Variants in KAT6B observed in about 807,000 individuals in gnomAD.
The protein encoded by KAT6B is lysine acetyltransferase 6B, also known as histone acetyltransferase KAT6B.
KAT6B carries 10 observed loss-of-function variants against 187.5 expected under a neutral mutation model. That is an observed-to-expected ratio of 0.05 (90% CI 0.03 to 0.09). KAT6B has a LOEUF of 0.09. Among genes scored for constraint, KAT6B ranks in the 10% least tolerant of loss-of-function variants. The pLI is 1.00. For synonymous variants in KAT6B, 861 were observed against 926.8 expected, an observed-to-expected ratio of 0.93 and a Z score of 1.29; for missense variants, 1,952 against 2,558.9, an observed-to-expected ratio of 0.76 and a Z score of 5.12.
rs1846102656 is a variant in KAT6B, at chr10:75,029,009, C to T, written c.4185C>T (p.Ile1395=). 1.2e-6 allele frequency: 2 copies of T among 1,613,848 alleles called. No homozygotes were observed. The highest frequency in any genetic ancestry group is 2.7e-5 in the African/African-American group (2 of 74,858). The part of the protein sequence containing the change: ...AKSQEKEEPE[I]STEKEDSARL... Reference sequence around the variant, plus strand: ...GCCAAGAAAAAGAGGAACCAGAAATCTCCACGGAAAAAGAAGACTCTGCAC... The same window carrying T: ...GCCAAGAAAAAGAGGAACCAGAAATTTCCACGGAAAAAGAAGACTCTGCAC... The change falls in exon 18 of 18, where the codon ATC becomes ATT. Residue 1395 remains isoleucine (I), a synonymous_variant. Transcript: ENST00000287239. The surrounding 1 kb of genome is among the most constrained non-coding windows in gnomAD (Gnocchi z 6.2).
At chr10:74,959,339 G>A (rs1589706146) in intron 3 of KAT6B, among the ~76,000 whole-genome samples, 2 of 152,024 alleles carry the variant, frequency 1.3e-5, no homozygotes, top group Admixed American at 6.6e-5. Context: ...AATGCTGAAC[G>A]AATAATTTAT....
intron 3 of KAT6B, among the ~76,000 whole-genome samples, chr10:74,873,240 C>T (rs1157952346): frequency 6.6e-6 from 1 of 150,986 alleles, no homozygotes; most frequent in Non-Finnish European, 1.5e-5. Flanking sequence ...GTGGAAGTAT[C>T]GCTTGAGGCC....
chr10:75,007,603 G>A (rs1844306602), intron 13 of KAT6B, among the ~76,000 whole-genome samples: 1 of 152,218 alleles, frequency 6.6e-6, no homozygotes, highest in Admixed American at 6.5e-5. Context: ...GGAGCGGATA[G>A]AAAGTTTTCT....
chr10:74,987,095 T>C (rs1842856378), intron 12 of KAT6B, among the ~76,000 whole-genome samples: 1 of 152,184 alleles, frequency 6.6e-6, no homozygotes, highest in African/African-American at 2.4e-5. Context: ...TAATATGCCT[T>C]GGCAGTATAG....
intron 13 of KAT6B, among the ~76,000 whole-genome samples, chr10:75,015,777 C>T (rs1414760806): frequency 3.9e-5 from 6 of 152,178 alleles, no homozygotes; most frequent in African/African-American, 1.2e-4. Context: ...GATTATCATC[C>T]CCTAAAAGCA....
At chr10:74,845,822 C>G (rs192246563) in intron 3 of KAT6B, among the ~76,000 whole-genome samples, 1 of 148,212 alleles carries the variant, frequency 6.7e-6, no homozygotes, top group Non-Finnish European at 1.5e-5. Context: ...TGCTTTAGAT[C>G]AGATCAGCCC....
intron 10 of KAT6B, 54 bp downstream of exon 10, chr10:74,979,393 G>C: frequency 8.0e-7 from 1 of 1,253,258 alleles, no homozygotes. Flanking sequence ...ATGTGAGAAA[G>C]GAAAATTCTT....
At chr10:74,889,253 T>A (rs1373719105) in intron 3 of KAT6B, among the ~76,000 whole-genome samples, 1 of 152,248 alleles carries the variant, frequency 6.6e-6, no homozygotes, top group East Asian at 1.9e-4. Flanking sequence ...TAAAAATACA[T>A]ATTTATATTT....
At chr10:74,866,719 G>A (rs1843578017) in intron 3 of KAT6B, among the ~76,000 whole-genome samples, 1 of 152,180 alleles carries the variant, frequency 6.6e-6, no homozygotes, top group South Asian at 2.1e-4. Context: ...AAGGCTCTGA[G>A]CCTGAGGCCT....
intron 1 of KAT6B, among the ~76,000 whole-genome samples, chr10:74,837,825 T>C (rs1281686315): frequency 6.7e-6 from 1 of 150,314 alleles, no homozygotes; most frequent in Non-Finnish European, 1.5e-5. Context: ...GACTTCTGAT[T>C]TTGTTCCTCT....
intron 3 of KAT6B, among the ~76,000 whole-genome samples, chr10:74,931,543 TATA>T (rs1848875976): frequency 6.6e-6 from 1 of 152,162 alleles, no homozygotes; most frequent in Admixed American, 6.5e-5. Context: ...CTGCCACTCA[TATA>T]ATAAGTGTTC....
At chr10:74,941,212 C>T (rs1849646392) in intron 3 of KAT6B, among the ~76,000 whole-genome samples, 1 of 152,138 alleles carries the variant, frequency 6.6e-6, no homozygotes, top group Non-Finnish European at 1.5e-5. Flanking sequence ...TGGCATATCA[C>T]CAGGCTGAAT....
chr10:74,975,963 A>G lies in KAT6B; in HGVS notation c.1626A>G (p.Ala542=), dbSNP rs748080816. The change falls in exon 8 of 18, where the codon GCA becomes GCG. Residue 542 remains alanine (A), a synonymous_variant. Transcript: ENST00000287239. ...TTACCACTAACAGCCAGCTGAAGGC[A>G]CTCTTTGATGGGCTTTCTCATATCT... ...SSLTTNSQLK[A]LFDGLSHIYT... is the part of the protein sequence containing the mutation. 19 of 1,613,764 alleles carry G rather than the reference A, an allele frequency of 1.2e-5. No individual in the cohort carries two copies. In the East Asian group the frequency reaches 1.3e-4, roughly 11 times the overall value.
In KAT6B at chr10:74,970,179, G is replaced by A. The variant is rs1057245196; in HGVS notation, c.928+78G>A. On this transcript the variant is annotated intron_variant, in intron 6 of 17. Coordinates refer to ENST00000287239, the MANE Select transcript of KAT6B (RefSeq NM_012330.4). ...TGTCCTGAGGTCTGACAGCTCAGAG[G>A]TATACAGGTTCTTTAAGCATTTTTT... 4.7e-6 allele frequency: 5 copies of A among 1,071,652 alleles called. No homozygotes were observed. The African/African-American group carries it at 4.7e-5, about 10-fold the overall frequency. The allele number at this position is 1,071,652 out of a possible 1,614,324, so 66.4% of individuals were successfully genotyped here.
Position 74,981,879 on chromosome 10 carries a change from A to G in KAT6B, c.2324A>G (p.His775Arg), listed in dbSNP as rs752359931. The change falls in exon 11 of 18, where the codon CAT becomes CGT. Residue 775 changes from histidine to arginine, a missense_variant. His to Arg is a conservative substitution (Grantham distance 29). Transcript: ENST00000287239. ...LRHSKKCGWF[H>R]PPANEIYRRK... The stretch of plus-strand genomic sequence containing the variant: ...CACTCCAAGAAGTGTGGATGGTTTC[A>G]TCCTCCAGCAAATGAAATTTACCGA... 1 of 1,613,520 alleles carries G rather than the reference A, an allele frequency of 6.2e-7. No homozygotes were observed. The highest frequency in any genetic ancestry group is 8.5e-7 in the Non-Finnish European group (1 of 1,179,524).
At chr10:75,011,308 C>T (rs192712155) in intron 13 of KAT6B, among the ~76,000 whole-genome samples, 23 of 151,978 alleles carry the variant, frequency 1.5e-4, no homozygotes, top group Admixed American at 9.2e-4. Context: ...CTAAAATATC[C>T]TAGAATTTAA....
intron 3 of KAT6B, among the ~76,000 whole-genome samples, chr10:74,930,929 T>C (rs1848827479): frequency 6.6e-6 from 1 of 152,230 alleles, no homozygotes. Flanking sequence ...TACGTGTCCA[T>C]AGAGACTGCA....
intron 1 of KAT6B, among the ~76,000 whole-genome samples, chr10:74,836,190 A>T (rs1423103862): frequency 6.6e-6 from 1 of 152,190 alleles, no homozygotes; most frequent in Non-Finnish European, 1.5e-5. Context: ...TAGTGTATGG[A>T]TATACCACAG....
chr10:74,844,033 C>G (rs1233261264), intron 3 of KAT6B, among the ~76,000 whole-genome samples: 9 of 151,738 alleles, frequency 5.9e-5, no homozygotes, highest in African/African-American at 9.7e-5. Context: ...GCTACCACAC[C>G]TGGCTAATTT....
Sources: gnomAD v4.1 joint callset for allele counts (sites outside exome capture counted in the v4.1 genomes callset) on GRCh38, gnomAD v4.1.1 for gene constraint, Gnocchi (gnomAD v3.1) non-coding constraint, MANE v1.5 for transcripts, NCBI Gene and HGNC (gene_info 2026-07-23, HGNC 2026-07-21) for gene names.